Variants in SLC10A7 observed in about 807,000 individuals in gnomAD.
The protein encoded by SLC10A7 is solute carrier family 10 member 7, also known as sodium/bile acid cotransporter 7.
Under a neutral mutation model 43.2 loss-of-function variants are expected in SLC10A7, and 29 were observed. That is an observed-to-expected ratio of 0.67 (90% CI 0.50 to 0.92). The LOEUF (loss-of-function observed/expected upper bound fraction) is 0.92, where lower values mean the gene tolerates loss of function less well. Among genes scored for constraint, SLC10A7 ranks in the 40% least tolerant of loss-of-function variants. The probability of loss-of-function intolerance (pLI) is 0.00; values close to 1 mark genes in which losing one functional copy is unlikely to be tolerated. For synonymous variants in SLC10A7, 152 were observed against 144.8 expected (o/e 1.05, Z -0.35); for missense variants, 295 against 403.2 (o/e 0.73, Z 2.30).
At chr4:146,360,443 C>CT (rs1342293154) in intron 5 of SLC10A7, among the ~76,000 whole-genome samples, 2 of 151,786 alleles carry the variant, frequency 1.3e-5, no homozygotes, top group African/African-American at 2.4e-5. Flanking sequence ...TCTTCTTCTT[C>CT]TTTTTTTTAA....
chr4:146,354,346 T>A (rs1464224389), intron 5 of SLC10A7, among the ~76,000 whole-genome samples: 3 of 152,154 alleles, frequency 2.0e-5, no homozygotes, highest in Admixed American at 2.0e-4. Context: ...GTGAAGGACC[T>A]CTTCAAGGAG....
At chr4:146,300,696 G>C (rs568214752) in intron 7 of SLC10A7, among the ~76,000 whole-genome samples, 1 of 152,216 alleles carries the variant, frequency 6.6e-6, no homozygotes, top group East Asian at 1.9e-4. Flanking sequence ...AGTCAAAGGA[G>C]GTGTTAGAAA....
rs560081484 is a variant in SLC10A7, at chr4:146,410,893, G to A, written c.435+31890C>T. Among the ~76,000 whole-genome samples the A allele has an allele frequency of 3.3e-5, 5 of 152,168 alleles. No homozygotes were observed. In the South Asian group the frequency reaches 8.3e-4, roughly 25 times the overall value. On this transcript the variant is annotated intron_variant, in intron 5 of 11. Transcript: ENST00000335472. Reference sequence around the variant, plus strand: ...CTGTCACCCAGGCTGGAGTGCAATGGCATGATCTCGGCTCACTGCAACCTC... The same window carrying A: ...CTGTCACCCAGGCTGGAGTGCAATGACATGATCTCGGCTCACTGCAACCTC...
intron 5 of SLC10A7, among the ~76,000 whole-genome samples, chr4:146,392,229 C>A (rs1185997925): frequency 6.6e-6 from 1 of 152,148 alleles, no homozygotes; most frequent in Non-Finnish European, 1.5e-5. Flanking sequence ...TTATGCATAA[C>A]ATAATATGTT....
intron 5 of SLC10A7, among the ~76,000 whole-genome samples, chr4:146,387,618 T>C (rs1738106367): frequency 6.6e-6 from 1 of 152,058 alleles, no homozygotes; most frequent in South Asian, 2.1e-4. Context: ...GGCATATAAA[T>C]TGGAAAAAAG....
chr4:146,511,216 T>C (rs1404743539), intron 2 of SLC10A7, among the ~76,000 whole-genome samples: 1 of 152,056 alleles, frequency 6.6e-6, no homozygotes, highest in Non-Finnish European at 1.5e-5. Flanking sequence ...GTTTAACAAC[T>C]AAAAAAGGAT....
At chr4:146,292,050 G>T (rs1280068087) in intron 9 of SLC10A7, among the ~76,000 whole-genome samples, 1 of 152,144 alleles carries the variant, frequency 6.6e-6, no homozygotes, top group Non-Finnish European at 1.5e-5. Flanking sequence ...CCTAAGCAAG[G>T]GACAGAAATG....
chr4:146,325,982 T>C lies in SLC10A7; in HGVS notation c.450A>G (p.Thr150=). The change falls in exon 6 of 12, where the codon ACA becomes ACG. Residue 150 remains threonine (T), a synonymous_variant. Coordinates refer to ENST00000335472, the MANE Select transcript of SLC10A7 (RefSeq NM_001029998.6). The part of the protein sequence containing the change: ...AFGSFLGIVI[T]PLLLLLFLGS... The stretch of plus-strand genomic sequence containing the variant: ...TCACAAAAAGCAGCAGGAGCAGGGG[T>C]GTTATAACGATGCCCTGAAAGAAAT... 2.5e-6 allele frequency: 4 copies of C among 1,611,978 alleles called. No individual in the cohort carries two copies. The highest frequency in any genetic ancestry group is 2.5e-6 in the Non-Finnish European group (3 of 1,179,062).
chr4:146,396,129 T>C (rs1738807556), intron 5 of SLC10A7, among the ~76,000 whole-genome samples: 1 of 152,180 alleles, frequency 6.6e-6, no homozygotes, highest in East Asian at 1.9e-4. Context: ...AGAGGATTGA[T>C]AAGGTAACTA....
chr4:146,444,596 C>T (rs1027903976), intron 4 of SLC10A7, among the ~76,000 whole-genome samples: 6 of 152,126 alleles, frequency 3.9e-5, no homozygotes, highest in African/African-American at 7.2e-5. Context: ...TCTTCTTTAA[C>T]CCAAACGCAA....
chr4:146,283,496 G>A (rs745477271), intron 9 of SLC10A7, among the ~76,000 whole-genome samples: 12 of 152,048 alleles, frequency 7.9e-5, no homozygotes, highest in East Asian at 1.9e-4. Context: ...GGTGGAGGTC[G>A]CCTAAGATCA....
At chr4:146,298,133 C>A (rs939497741) in intron 7 of SLC10A7, among the ~76,000 whole-genome samples, 2 of 152,162 alleles carry the variant, frequency 1.3e-5, no homozygotes, top group African/African-American at 4.8e-5. Context: ...TGATGTTGGG[C>A]AAATTCCTCA....
chr4:146,379,955 C>G (rs898764952), intron 5 of SLC10A7, among the ~76,000 whole-genome samples: 19 of 144,930 alleles, frequency 1.3e-4, no homozygotes, highest in African/African-American at 5.4e-4. Context: ...CTCTCTCTCT[C>G]TCTCTGTGTG....
chr4:146,340,510 T>C (rs1318687143), intron 5 of SLC10A7, among the ~76,000 whole-genome samples: 2 of 149,044 alleles, frequency 1.3e-5, no homozygotes, highest in East Asian at 1.9e-4. Context: ...TACATATATA[T>C]GTGTGTGTGT....
intron 9 of SLC10A7, among the ~76,000 whole-genome samples, chr4:146,291,610 T>C (rs1305897311): frequency 1.3e-5 from 2 of 152,196 alleles, no homozygotes; most frequent in African/African-American, 2.4e-5. Context: ...ATTTCTAATC[T>C]TCCTCTACTC....
intron 3 of SLC10A7, among the ~76,000 whole-genome samples, chr4:146,509,001 C>T (rs1355590070): frequency 6.6e-6 from 1 of 152,190 alleles, no homozygotes; most frequent in African/African-American, 2.4e-5. Flanking sequence ...ACACAACAGG[C>T]TTGATCCTGC....
intron 5 of SLC10A7, among the ~76,000 whole-genome samples, chr4:146,419,921 A>G (rs1728835117): frequency 6.6e-6 from 1 of 152,214 alleles, no homozygotes; most frequent in South Asian, 2.1e-4. Flanking sequence ...AAGTACTGTC[A>G]GAGGACTAAA....
intron 5 of SLC10A7, chr4:146,442,560 T>C (rs1730686472): frequency 3.6e-6 from 5 of 1,374,310 alleles, no homozygotes; most frequent in Non-Finnish European, 4.7e-6. Context: ...TTGAATTCAT[T>C]AAATGGAATT....
intron 5 of SLC10A7, among the ~76,000 whole-genome samples, chr4:146,431,202 T>A (rs1729750851): frequency 2.0e-5 from 3 of 152,154 alleles, no homozygotes; most frequent in African/African-American, 7.2e-5. Flanking sequence ...TTAACAGTCA[T>A]GAATACTGAT....
Sources: allele counts gnomAD v4.1 joint callset (sites outside exome capture counted in the v4.1 genomes callset), GRCh38; gene constraint gnomAD v4.1.1; transcripts MANE v1.5; gene names NCBI Gene and HGNC (gene_info 2026-07-23, HGNC 2026-07-21).